The following SV2C variants were observed in gnomAD, a reference collection of about 807,000 sequenced individuals.
SV2C encodes the protein synaptic vesicle glycoprotein 2C.
A neutral mutation model predicts 79.7 loss-of-function variants in SV2C; 49 were observed. The ratio of observed to expected loss-of-function variants is 0.61; its 90% CI spans 0.49 to 0.78. The LOEUF is 0.78. Ranked by LOEUF, SV2C falls within the 30% of genes least tolerant of loss-of-function variation. SV2C has a pLI of 0.00. For synonymous variants in SV2C, 334 were observed against 333.2 expected (o/e 1.00, Z -0.03); for missense variants, 833 against 912.9 (o/e 0.91, Z 1.13).
chr5:75,911,246 A>G, the SV2C span: 3 of 1,529,104 alleles, frequency 2.0e-6, no homozygotes, highest in Non-Finnish European at 2.7e-6. Context: ...GGCAAGTCCC[A>G]GGAGGAAGTT....
At chr5:76,082,100 T>C (rs1247164499), upstream of SV2C, 4 of 152,340 alleles carry the variant, frequency 2.6e-5, no homozygotes, top group African/African-American at 4.8e-5. Flanking sequence ...TTTGTCTCGC[T>C]TTGGGTCACC....
At chr5:76,076,851 A>C in the SV2C span, among the ~76,000 whole-genome samples, 1 of 152,184 alleles carries the variant, frequency 6.6e-6, no homozygotes, top group Non-Finnish European at 1.5e-5. Flanking sequence ...TTACACTGAA[A>C]GTGTAAACCT....
the SV2C span, among the ~76,000 whole-genome samples, chr5:76,020,428 T>C: frequency 2.0e-5 from 3 of 152,186 alleles, no homozygotes; most frequent in Non-Finnish European, 4.4e-5. Flanking sequence ...TCTACTATTG[T>C]AGAGAATGGG....
intron 12 of SV2C, among the ~76,000 whole-genome samples, chr5:76,318,896 G>T (rs1028194233): frequency 6.6e-6 from 1 of 152,192 alleles, no homozygotes; most frequent in African/African-American, 2.4e-5. Flanking sequence ...TGAGAAGTCG[G>T]CAAGTCAGGG....
the SV2C span, among the ~76,000 whole-genome samples, chr5:75,984,508 G>T: frequency 2.0e-5 from 3 of 151,678 alleles, no homozygotes; most frequent in South Asian, 2.1e-4. Context: ...ATCAGTCAGG[G>T]TTCCATGAGA....
chr5:76,300,136 C>T (rs1747930730), intron 10 of SV2C, among the ~76,000 whole-genome samples: 1 of 146,376 alleles, frequency 6.8e-6, no homozygotes, highest in Non-Finnish European at 1.5e-5. Flanking sequence ...AATCACAGCT[C>T]ACTGCGGCCT....
the SV2C span, among the ~76,000 whole-genome samples, chr5:75,999,782 C>T: frequency 6.6e-6 from 1 of 151,950 alleles, no homozygotes; most frequent in Non-Finnish European, 1.5e-5. Context: ...AGTCCAAGAT[C>T]AAGGCACTGG....
chr5:75,971,126 G>C, the SV2C span, among the ~76,000 whole-genome samples: 12,678 of 151,788 alleles, frequency 0.084, 631 homozygotes, highest in South Asian at 0.17. Context: ...ATTCAACAAC[G>C]CTTCATGCTA....
At chr5:76,236,440 T>C (rs1346128106) in intron 4 of SV2C, among the ~76,000 whole-genome samples, 2 of 151,998 alleles carry the variant, frequency 1.3e-5, no homozygotes, top group Admixed American at 6.6e-5. Flanking sequence ...CAGGTGCCTA[T>C]AATCCCAGCT....
chr5:76,162,344 A>G (rs1034378332), intron 2 of SV2C, among the ~76,000 whole-genome samples: 2 of 152,192 alleles, frequency 1.3e-5, no homozygotes, highest in Non-Finnish European at 1.5e-5. Context: ...CGATGTTACA[A>G]ATATTGTAAC....
intron 4 of SV2C, among the ~76,000 whole-genome samples, chr5:76,240,603 C>G (rs1372296692): frequency 1.3e-5 from 2 of 152,172 alleles, no homozygotes; most frequent in African/African-American, 4.8e-5. Context: ...GATTGAGTCC[C>G]TCTTGTTCCT....
At chr5:76,061,960 TTA>T in the SV2C span, among the ~76,000 whole-genome samples, 1 of 94,200 alleles carries the variant, frequency 1.1e-5, no homozygotes, top group African/African-American at 8.8e-5. Flanking sequence ...TGGCTTTTTT[TTA>T]ACCTGTTATT....
chr5:76,200,947 T>C (rs1744423094), intron 3 of SV2C, among the ~76,000 whole-genome samples: 1 of 152,234 alleles, frequency 6.6e-6, no homozygotes, highest in African/African-American at 2.4e-5. Flanking sequence ...CTGGCCAAGC[T>C]CTTGTTTTAA....
At chr5:76,020,847 C>A in the SV2C span, among the ~76,000 whole-genome samples, 24 of 152,146 alleles carry the variant, frequency 1.6e-4, no homozygotes, top group Admixed American at 6.6e-5. Flanking sequence ...ACATTGCTTA[C>A]TGAAGGCAGA....
At chr5:75,882,684 A>C in the SV2C span, among the ~76,000 whole-genome samples, 5 of 152,014 alleles carry the variant, frequency 3.3e-5, no homozygotes, top group African/African-American at 1.2e-4. Flanking sequence ...TGCTGGGAAA[A>C]CAGGCTAGCC....
intron 4 of SV2C, among the ~76,000 whole-genome samples, chr5:76,254,259 G>T (rs13187302): frequency 0.054 from 8,045 of 147,744 alleles, 238 homozygotes; most frequent in African/African-American, 0.059. Context: ...TATATATATA[G>T]AGAGAGAGAG....
At chr5:75,948,803 G>T in the SV2C span, among the ~76,000 whole-genome samples, 381 of 152,096 alleles carry the variant, frequency 2.5e-3, 5 homozygotes, top group Admixed American at 5.4e-3. Context: ...GGGCTGTGGG[G>T]AGATAGGAAA....
At chr5:76,118,801 G>A (rs1748377043) in intron 1 of SV2C, among the ~76,000 whole-genome samples, 1 of 152,102 alleles carries the variant, frequency 6.6e-6, no homozygotes. Flanking sequence ...GGCCAATATG[G>A]CGAAACCCTA....
chr5:75,901,754 C>T, the SV2C span, among the ~76,000 whole-genome samples: 3 of 152,254 alleles, frequency 2.0e-5, 1 homozygote, highest in South Asian at 6.2e-4. Context: ...GTTGGAGCTT[C>T]CCGGCTCCTT....
Sources: gnomAD v4.1 joint callset for allele counts (sites outside exome capture counted in the v4.1 genomes callset) on GRCh38, gnomAD v4.1.1 for gene constraint, MANE v1.5 for transcripts, NCBI Gene and HGNC (gene_info 2026-07-23, HGNC 2026-07-21) for gene names.